Variants in EHBP1 observed in about 807,000 individuals in gnomAD.
The protein encoded by EHBP1 is EH domain binding protein 1.
A neutral mutation model predicts 144.0 loss-of-function variants in EHBP1; 55 were observed. That is an observed-to-expected ratio of 0.38 (90% CI 0.31 to 0.48). The LOEUF is 0.48. EHBP1 is among the 20% of genes least tolerant of loss of function. EHBP1 has a pLI of 0.98. For synonymous variants in EHBP1, 469 were observed against 472.7 expected (o/e 0.99, Z 0.10); for missense variants, 1,200 against 1,364.2 (o/e 0.88, Z 1.90).
intron 10 of EHBP1, among the ~76,000 whole-genome samples, chr2:62,883,616 T>C (rs2051660612): frequency 6.6e-6 from 1 of 152,170 alleles, no homozygotes; most frequent in African/African-American, 2.4e-5. Context: ...ATATTGAGGC[T>C]GGAAGATTGC....
intron 2 of EHBP1, among the ~76,000 whole-genome samples, chr2:62,714,950 T>A (rs2035522188): frequency 6.6e-6 from 1 of 152,108 alleles, no homozygotes; most frequent in Non-Finnish European, 1.5e-5. Context: ...ATTCCTATGG[T>A]TTTATAACTT....
chr2:62,883,241 C>T (rs977219861), intron 10 of EHBP1, among the ~76,000 whole-genome samples: 2 of 152,180 alleles, frequency 1.3e-5, no homozygotes, highest in Non-Finnish European at 2.9e-5. Context: ...CAGGTTGGAA[C>T]TCTAAATACG....
At chr2:62,831,392 T>A (rs2046815888) in intron 7 of EHBP1, among the ~76,000 whole-genome samples, 1 of 152,200 alleles carries the variant, frequency 6.6e-6, no homozygotes, top group Admixed American at 6.5e-5. Context: ...AAAACATTCT[T>A]GAATTATAAT....
intron 1 of EHBP1, among the ~76,000 whole-genome samples, chr2:62,676,215 C>A (rs1457697453): frequency 6.6e-6 from 1 of 152,172 alleles, no homozygotes; most frequent in Non-Finnish European, 1.5e-5. Flanking sequence ...ATAAGCATTA[C>A]ACCGTAGTTA....
intron 10 of EHBP1, among the ~76,000 whole-genome samples, chr2:62,887,965 G>A (rs1206382759): frequency 6.6e-6 from 1 of 152,208 alleles, no homozygotes; most frequent in Non-Finnish European, 1.5e-5. Context: ...TTACTGGTGA[G>A]GAAGTTGAAA....
intron 9 of EHBP1, among the ~76,000 whole-genome samples, chr2:62,870,147 C>G (rs2152831499): frequency 6.6e-6 from 1 of 152,146 alleles, no homozygotes; most frequent in East Asian, 1.9e-4. Flanking sequence ...TAATAAGGCT[C>G]CTTTGATTCA....
At chr2:62,678,151 T>C (rs1288649406) in intron 1 of EHBP1, among the ~76,000 whole-genome samples, 1 of 152,252 alleles carries the variant, frequency 6.6e-6, no homozygotes, top group Admixed American at 6.5e-5. Flanking sequence ...TGTTATTGCC[T>C]GACTTTTGGA....
At chr2:62,984,369 A>G (rs1027751585) in intron 15 of EHBP1, among the ~76,000 whole-genome samples, 5 of 152,164 alleles carry the variant, frequency 3.3e-5, no homozygotes, top group African/African-American at 1.2e-4. Flanking sequence ...GCATTTTTAC[A>G]TTCAGTGCAT....
At chr2:62,931,775 C>G (rs529346063) in intron 10 of EHBP1, among the ~76,000 whole-genome samples, 1 of 152,318 alleles carries the variant, frequency 6.6e-6, no homozygotes, top group Non-Finnish European at 1.5e-5. Flanking sequence ...CTGTTAGTCA[C>G]TTAGTAGTGG....
chr2:62,753,786 G>A (rs1009457447), intron 3 of EHBP1, among the ~76,000 whole-genome samples: 6 of 152,130 alleles, frequency 3.9e-5, no homozygotes, highest in East Asian at 1.9e-4. Flanking sequence ...TGATTGAATC[G>A]GCTACTGAAG....
Position 62,990,773 on chromosome 2 carries a change from A to T in EHBP1, c.2666A>T (p.Gln889Leu), listed in dbSNP as rs987738199. The T allele has an allele frequency of 1.2e-6, 2 of 1,613,828 alleles. No homozygotes were observed. Among genetic ancestry groups the T allele is most frequent in the Admixed American group, 3.3e-5 (2 of 59,978 alleles). ...KLKKLLEVQP[Q>L]VANSPSSAAQ... is the part of the protein sequence containing the mutation. ...AAGAAGCTCCTAGAAGTTCAGCCACAGGTGGCAAATTCACCCTCCAGTGCT... is the reference window on the plus strand; with the variant it reads ...AAGAAGCTCCTAGAAGTTCAGCCACTGGTGGCAAATTCACCCTCCAGTGCT... Residue 889 changes from glutamine to leucine, a missense_variant, in exon 16 of 23, where the codon CAG becomes CTG. By Grantham distance (113) the Gln-to-Leu change is moderately radical. Around this residue, in one of 6 missense-constraint regions of EHBP1, gnomAD observed 543 missense variants for 513.1 expected, o/e 1.06. Transcript: ENST00000431489.
At chr2:62,923,744 G>T (rs974680196) in intron 10 of EHBP1, among the ~76,000 whole-genome samples, 3 of 152,106 alleles carry the variant, frequency 2.0e-5, no homozygotes, top group Non-Finnish European at 4.4e-5. Context: ...ACACTCCGAG[G>T]CCTAAGAAGC....
chr2:62,699,006 T>C (rs2034193929), intron 1 of EHBP1, among the ~76,000 whole-genome samples: 1 of 152,232 alleles, frequency 6.6e-6, no homozygotes. Context: ...TTTGTGTGTG[T>C]GTTCTTTGTA....
intron 19 of EHBP1, among the ~76,000 whole-genome samples, chr2:63,001,886 A>G (rs1303873276): frequency 6.6e-6 from 1 of 152,190 alleles, no homozygotes; most frequent in Non-Finnish European, 1.5e-5. Context: ...TTCTCTGGAC[A>G]CTGTCATTAC....
intron 19 of EHBP1, among the ~76,000 whole-genome samples, chr2:63,006,565 T>C (rs1329239995): frequency 6.6e-6 from 1 of 151,954 alleles, no homozygotes; most frequent in Non-Finnish European, 1.5e-5. Flanking sequence ...TGCTTAAACG[T>C]GATATATTTT....
chr2:62,776,166 CT>C (rs1305071698), intron 5 of EHBP1, among the ~76,000 whole-genome samples: 1 of 152,182 alleles, frequency 6.6e-6, no homozygotes, highest in African/African-American at 2.4e-5. Flanking sequence ...CTTACTGCTT[CT>C]TTGTGCAAAT....
At chr2:62,940,727 A>C (rs967663998) in intron 10 of EHBP1, among the ~76,000 whole-genome samples, 1 of 151,906 alleles carries the variant, frequency 6.6e-6, no homozygotes, top group African/African-American at 2.4e-5. Flanking sequence ...TTGTAATTTC[A>C]TCAAAGTTTC....
intron 7 of EHBP1, among the ~76,000 whole-genome samples, chr2:62,854,631 G>A (rs1160590302): frequency 2.6e-5 from 4 of 152,206 alleles, no homozygotes; most frequent in East Asian, 1.9e-4. Flanking sequence ...TATTGATGAA[G>A]TTTGCCATCT....
At chr2:62,683,574 G>T (rs536164325) in intron 1 of EHBP1, among the ~76,000 whole-genome samples, 1 of 149,010 alleles carries the variant, frequency 6.7e-6, no homozygotes, top group East Asian at 2.1e-4. Flanking sequence ...CAGGAGAATG[G>T]TGTGAATCCG....
Sources: allele counts gnomAD v4.1 joint callset (sites outside exome capture counted in the v4.1 genomes callset), GRCh38; gene constraint gnomAD v4.1.1; regional missense constraint gnomAD v4.1.1; transcripts MANE v1.5; gene names NCBI Gene and HGNC (gene_info 2026-07-23, HGNC 2026-07-21).